The following DDX17 variants were observed in gnomAD, a reference collection of about 807,000 sequenced individuals.
DDX17 encodes the protein probable ATP-dependent RNA helicase DDX17.
A neutral mutation model predicts 80.8 loss-of-function variants in DDX17; 10 were observed. That is an observed-to-expected ratio of 0.12 (90% CI 0.08 to 0.21). The LOEUF (loss-of-function observed/expected upper bound fraction) is 0.21, where lower values mean the gene tolerates loss of function less well. Among genes scored for constraint, DDX17 ranks in the 10% least tolerant of loss-of-function variants. DDX17 has a pLI of 1.00. For missense variants in DDX17, 586 were observed against 957.4 expected (o/e 0.61, Z 5.12); for synonymous variants, 339 against 336.2 (o/e 1.01, Z -0.09).
Position 38,485,113 on chromosome 22 carries a change from A to G in DDX17, c.*822T>C, listed in dbSNP as rs933023429. ...CTCACAGCAGCTGTCTGGATGGAAA[A>G]TTAATTTCACAGATGGTCCCCAGTT... On this transcript the variant is annotated 3_prime_UTR_variant, in exon 13 of 13. Coordinates refer to ENST00000403230, the MANE Select transcript of DDX17 (RefSeq NM_006386.5). 2.0e-5 allele frequency: 3 copies of G among 152,224 alleles called. No individual in the cohort carries two copies. Among genetic ancestry groups the G allele is most frequent in the African/African-American group, 7.2e-5 (3 of 41,454 alleles). 9.4% of individuals were successfully genotyped at this position (152,224 alleles called of 1,614,324 possible). A position where few individuals can be genotyped will look rare whatever the true frequency, so the allele number is the denominator to read the frequency against.
chr22:38,499,876 C>A (rs1314000604), intron 2 of DDX17, among the ~76,000 whole-genome samples: 1 of 151,994 alleles, frequency 6.6e-6, no homozygotes, highest in Non-Finnish European at 1.5e-5. Context: ...CAAGAAGAGA[C>A]AATGTTGGCT....
At chr22:38,499,819 A>T (rs1347174471) in intron 2 of DDX17, among the ~76,000 whole-genome samples, 1 of 152,206 alleles carries the variant, frequency 6.6e-6, no homozygotes, top group Non-Finnish European at 1.5e-5. Flanking sequence ...CTTCTGAAAG[A>T]GTAACCATTT....
rs925458117 is a variant in DDX17, at chr22:38,505,886, G to A, written c.287+65C>T. The A allele has an allele frequency of 1.7e-5, 26 of 1,511,650 alleles. No individual in the cohort carries two copies. In the African/African-American group the frequency reaches 2.3e-4, roughly 13 times the overall value. 93.6% of individuals were successfully genotyped at this position (1,511,650 alleles called of 1,614,324 possible). A position where few individuals can be genotyped will look rare whatever the true frequency, so the allele number is the denominator to read the frequency against. On this transcript the variant is annotated intron_variant, in intron 1 of 12. Transcript: ENST00000403230. ...AGGCTCCCAGGCTCGCAGTCCGCCG[G>A]GCCTCCCCAAGAAGCAACTCCCCCA...
chr22:38,490,154 CTCCAG>C (rs746089611), intron 11 of DDX17: 1 of 1,156,082 alleles, frequency 8.6e-7, no homozygotes, highest in South Asian at 1.8e-5. Flanking sequence ...ATTTGGTTTT[CTCCAG>C]TCAAGTCTAC....
At position 38,489,291 on chromosome 22, in the gene DDX17, T is replaced by G; in HGVS notation, c.1448-1176A>C. The G allele has an allele frequency of 2.0e-6, 2 of 985,832 alleles. No individual in the cohort carries two copies. Among genetic ancestry groups the G allele is most frequent in the Non-Finnish European group, 2.4e-6 (2 of 829,938 alleles). 61.1% of individuals were successfully genotyped at this position (985,832 alleles called of 1,614,324 possible). A position where few individuals can be genotyped will look rare whatever the true frequency, so the allele number is the denominator to read the frequency against. On this transcript the variant is annotated intron_variant, in intron 11 of 12. Coordinates refer to ENST00000403230, the MANE Select transcript of DDX17 (RefSeq NM_006386.5). This position sits in a 1 kb window ranked among gnomAD's most constrained non-coding sequence, Gnocchi z 4.6. ...CCGATCCCGTCTCTTTGCCTTTTAT[T>G]TTTGGCGGCCTCCTTTCGAAAACTC...
chr22:38,501,342 TAAG>T, intron 1 of DDX17, 62 bp from the exon 2 acceptor site: 1 of 1,530,156 alleles, frequency 6.5e-7, no homozygotes, highest in Non-Finnish European at 8.8e-7. Flanking sequence ...GTACATGCCA[TAAG>T]AATATTCAAA....
intron 5 of DDX17, among the ~76,000 whole-genome samples, chr22:38,497,470 T>C (rs2089780315): frequency 6.6e-6 from 1 of 150,636 alleles, no homozygotes; most frequent in African/African-American, 2.4e-5. Context: ...ATACAAACAT[T>C]AGCTGGGAGT....
rs527774686 is a variant in DDX17 at position 38,488,234 on chromosome 22, G to A, written c.1448-119C>T. ...AGATGACAGCAAGAGGAAAGAAGGT[G>A]AAGTTAGTAACCACTCTGAACAGAA... On this transcript the variant is annotated intron_variant, in intron 11 of 12. Transcript: ENST00000403230. The A allele has an allele frequency of 1.2e-5, 19 of 1,589,686 alleles. No homozygotes were observed. The East Asian group carries it at 3.6e-4, about 30-fold the overall frequency.
intron 3 of DDX17, 69 bp downstream of exon 3, chr22:38,499,331 A>T: frequency 8.2e-7 from 1 of 1,223,666 alleles, no homozygotes; most frequent in Non-Finnish European, 1.2e-6. Flanking sequence ...CAAAGAGTTT[A>T]ACCTACTACC....
chr22:38,504,292 C>T (rs2089858636), intron 1 of DDX17, among the ~76,000 whole-genome samples: 1 of 152,180 alleles, frequency 6.6e-6, no homozygotes, highest in Non-Finnish European at 1.5e-5. Context: ...CTCTTTTTCA[C>T]GGCTGATTCA....
chr22:38,492,033 CAG>C (rs1282441023), intron 11 of DDX17, 21 bp downstream of exon 11: 3 of 1,563,624 alleles, frequency 1.9e-6, no homozygotes, highest in African/African-American at 1.4e-5. Context: ...ATACCATTGA[CAG>C]AGACACCTAT....
At chr22:38,496,222 G>A (rs1420534869) in intron 5 of DDX17, among the ~76,000 whole-genome samples, 2 of 152,098 alleles carry the variant, frequency 1.3e-5, no homozygotes, top group African/African-American at 2.4e-5. Context: ...TTTAAGTGGA[G>A]ATATAGATTG....
intron 3 of DDX17, among the ~76,000 whole-genome samples, 190 bp from the exon 4 acceptor site, chr22:38,498,763 G>A (rs1042169427): frequency 6.6e-6 from 1 of 152,114 alleles, no homozygotes. Flanking sequence ...GGTGGCTCAC[G>A]CCTGTAATCC....
chr22:38,500,259 A>C (rs1424676084), intron 2 of DDX17, among the ~76,000 whole-genome samples: 1 of 152,180 alleles, frequency 6.6e-6, no homozygotes, highest in Non-Finnish European at 1.5e-5. Flanking sequence ...CATGTATAAT[A>C]AACAGATTAG....
chr22:38,492,371 A>G (rs975471354), intron 10 of DDX17, among the ~76,000 whole-genome samples: 1 of 152,202 alleles, frequency 6.6e-6, no homozygotes, highest in African/African-American at 2.4e-5. Flanking sequence ...TTTTCCCCTT[A>G]AAGTTATTTC....
At chr22:38,500,974 G>A (rs201452617) in intron 2 of DDX17, among the ~76,000 whole-genome samples, 156 bp downstream of exon 2, 25 of 140,248 alleles carry the variant, frequency 1.8e-4, no homozygotes, top group South Asian at 2.2e-4. Context: ...CTACAAAAAG[G>A]AAAAAAAAAA....
At chr22:38,490,497 CAAAA>C in intron 11 of DDX17, 1 of 1,221,638 alleles carries the variant, frequency 8.2e-7, no homozygotes, top group Non-Finnish European at 1.1e-6. Context: ...GTAGTTCAAA[CAAAA>C]AAAAGGAAAA....
In DDX17 at chr22:38,501,248, G is replaced by T. The variant is rs761560340; in HGVS notation, c.320C>A (p.Pro107Gln). The T allele has an allele frequency of 6.2e-7, 1 of 1,612,254 alleles. No homozygotes were observed. ...CTCCCCAGGATTACCAAATTTCTTC[G>T]GGGGAAGGCCACCACCACCTCTTGC... The change falls in exon 2 of 13, where the codon CCG becomes CAG. Residue 107 changes from proline (P) to glutamine (Q), a missense_variant. By Grantham distance (76) the Pro-to-Gln change is moderately conservative (BLOSUM62 -1). Coordinates refer to ENST00000403230, the MANE Select transcript of DDX17 (RefSeq NM_006386.5).
chr22:38,495,862 T>G lies in DDX17; in HGVS notation c.814A>C (p.Arg272=). Reference sequence around the variant, plus strand: ...CCATAAATACAAGTACTCTTCAATCTAGAACATTTGCCATAGTCATCGGCC... The same window carrying G: ...CCATAAATACAAGTACTCTTCAATCGAGAACATTTGCCATAGTCATCGGCC... The change falls in exon 6 of 13, where the codon AGA becomes CGA. Residue 272 remains arginine (R), a synonymous_variant. Coordinates refer to ENST00000403230, the MANE Select transcript of DDX17 (RefSeq NM_006386.5). 6.2e-7 allele frequency: 1 copy of G among 1,612,432 alleles called. No homozygotes were observed. Among genetic ancestry groups the G allele is most frequent in the Non-Finnish European group, 8.5e-7 (1 of 1,179,300 alleles).
Sources: gnomAD v4.1 joint callset for allele counts (sites outside exome capture counted in the v4.1 genomes callset) on GRCh38, gnomAD v4.1.1 for gene constraint, Gnocchi (gnomAD v3.1) non-coding constraint, MANE v1.5 for transcripts, NCBI Gene and HGNC (gene_info 2026-07-23, HGNC 2026-07-21) for gene names.